EPHA6: variants seen among roughly 807,000 people sequenced by gnomAD.
The protein encoded by EPHA6 is EPH receptor A6, also known as ephrin type-A receptor 6.
In EPHA6, 50 loss-of-function variants were observed where a neutral mutation model predicts 112.0. The observed-to-expected ratio is 0.45, with a 90% CI of 0.36 to 0.56. The LOEUF (loss-of-function observed/expected upper bound fraction) is 0.56, where lower values mean the gene tolerates loss of function less well. EPHA6 is among the 20% of genes least tolerant of loss of function. The pLI is 0.00. For synonymous variants in EPHA6, 529 were observed against 490.7 expected (o/e 1.08, Z -1.03); for missense variants, 1,280 against 1,417.4 (o/e 0.90, Z 1.56).
At chr3:97,159,373 TTGG>T (rs919218749) in intron 3 of EPHA6, among the ~76,000 whole-genome samples, 4 of 152,106 alleles carry the variant, frequency 2.6e-5, no homozygotes, top group African/African-American at 9.6e-5. Flanking sequence ...ATTACGTATG[TTGG>T]TGGAAGTATT....
At position 97,208,213 on chromosome 3, in the gene EPHA6, T is replaced by C. The variant is rs138028177; in HGVS notation, c.1115-18051T>C. Among the ~76,000 whole-genome samples, 3 of 152,302 alleles carry C rather than the reference T, an allele frequency of 2.0e-5. No homozygotes were observed. In the East Asian group the frequency reaches 5.8e-4, roughly 29 times the overall value. ...TGAATCGATATAGGTATTCTACTTG[T>C]ACTGGATAGAAGATGCTATTCCAGT... is the stretch of plus-strand genomic sequence containing the variant. On this transcript the variant is annotated intron_variant, in intron 3 of 17. Transcript: ENST00000389672.
intron 3 of EPHA6, among the ~76,000 whole-genome samples, chr3:97,195,654 A>G (rs994913180): frequency 2.0e-5 from 3 of 152,040 alleles, no homozygotes; most frequent in East Asian, 1.9e-4. Flanking sequence ...TCCCTTTAGC[A>G]TGTCTTAGTA....
chr3:97,040,072 A>T (rs2045259619), intron 3 of EPHA6, among the ~76,000 whole-genome samples: 1 of 151,370 alleles, frequency 6.6e-6, no homozygotes, highest in Admixed American at 6.6e-5. Flanking sequence ...TATAATAATG[A>T]TAATTATTAA....
At chr3:97,619,353 C>T (rs928014349) in intron 13 of EPHA6, among the ~76,000 whole-genome samples, 3 of 143,758 alleles carry the variant, frequency 2.1e-5, no homozygotes, top group Non-Finnish European at 4.5e-5. Context: ...AAAAAGGGCA[C>T]AAGACAAGGA....
intron 14 of EPHA6, among the ~76,000 whole-genome samples, chr3:97,670,598 C>G (rs191217245): frequency 2.6e-5 from 4 of 152,266 alleles, no homozygotes; most frequent in African/African-American, 4.8e-5. Flanking sequence ...CTGCAGCTGT[C>G]TGGTTGTGCA....
intron 6 of EPHA6, among the ~76,000 whole-genome samples, chr3:97,440,723 G>A (rs1472751834): frequency 6.6e-6 from 1 of 151,386 alleles, no homozygotes; most frequent in Non-Finnish European, 1.5e-5. Flanking sequence ...TAAATTAGAA[G>A]GAATGAGCAA....
At chr3:97,711,801 A>G (rs2033981241) in intron 14 of EPHA6, among the ~76,000 whole-genome samples, 1 of 152,164 alleles carries the variant, frequency 6.6e-6, no homozygotes, top group Non-Finnish European at 1.5e-5. Context: ...TCACAACCAC[A>G]CTAGAAATAA....
chr3:97,243,747 A>T (rs1291814285), intron 4 of EPHA6, among the ~76,000 whole-genome samples: 2 of 151,954 alleles, frequency 1.3e-5, no homozygotes, highest in Admixed American at 6.6e-5. Context: ...CCAAAAATTT[A>T]TGATATAGAT....
chr3:97,587,328 A>C (rs1255587755), intron 11 of EPHA6, among the ~76,000 whole-genome samples: 1 of 152,144 alleles, frequency 6.6e-6, no homozygotes, highest in Non-Finnish European at 1.5e-5. Flanking sequence ...CTATCATTAA[A>C]TATTTTGGGC....
chr3:97,553,948 A>G (rs1321003805), intron 11 of EPHA6, among the ~76,000 whole-genome samples: 4 of 152,318 alleles, frequency 2.6e-5, no homozygotes, highest in East Asian at 1.9e-4. Flanking sequence ...TGCATCATCT[A>G]TATATAACAA....
intron 12 of EPHA6, among the ~76,000 whole-genome samples, chr3:97,608,773 G>A (rs1200278618): frequency 6.6e-6 from 1 of 151,266 alleles, no homozygotes; most frequent in East Asian, 1.9e-4. Context: ...GGATACAAAG[G>A]CTAGTTAGGA....
rs71623570 is a variant in EPHA6 at position 97,379,751 on chromosome 3, C to CAAA, written c.1607-25375_1607-25373dup. Among the ~76,000 whole-genome samples, 33 of 30,544 alleles carry CAAA rather than the reference C, an allele frequency of 1.1e-3. 5 individuals are homozygous for CAAA. Among genetic ancestry groups the CAAA allele is most frequent in the Admixed American group, 3.2e-3 (6 of 1,852 alleles). The allele number at this position is 30,544 out of a possible 152,430, so 20.0% of individuals were successfully genotyped here. On this transcript the variant is annotated intron_variant, in intron 5 of 17. Transcript: ENST00000389672. The stretch of plus-strand genomic sequence containing the variant: ...GCAAGAGGGTGAGACTCTGTCTCCC[C>CAAA]AAAAAAAAAAAAAAAAAAAAAAAAA...
intron 5 of EPHA6, among the ~76,000 whole-genome samples, chr3:97,259,875 A>ACTGCAACCT (rs375045524): frequency 3.4e-5 from 5 of 148,914 alleles, no homozygotes; most frequent in African/African-American, 9.9e-5. Flanking sequence ...ATCTCAGCTC[A>ACTGCAACCT]CTGCAACCTC....
intron 3 of EPHA6, among the ~76,000 whole-genome samples, chr3:97,072,688 T>C (rs1249294423): frequency 6.6e-6 from 1 of 152,132 alleles, no homozygotes. Context: ...GTTGGTATTA[T>C]GGCTTCAAAT....
intron 1 of EPHA6, among the ~76,000 whole-genome samples, chr3:96,823,721 A>C (rs536334764): frequency 6.6e-6 from 1 of 151,954 alleles, no homozygotes; most frequent in South Asian, 2.1e-4. Context: ...ATGCCTCATC[A>C]AAAAATAAAG....
In EPHA6 at chr3:97,758,937, C is replaced by A. The variant is rs1408109101; in HGVS notation, c.*10236C>A. Among the ~76,000 whole-genome samples the A allele has an allele frequency of 1.3e-5, 2 of 151,958 alleles. No individual in the cohort carries two copies. The highest frequency in any genetic ancestry group is 3.9e-4 in the East Asian group (2 of 5,172). On this transcript the variant is annotated 3_prime_UTR_variant, in exon 18 of 18. Coordinates refer to ENST00000389672, the MANE Select transcript of EPHA6 (RefSeq NM_001080448.3). ...TACGCATGAGGCTACTGGAGTAATT[C>A]CAGCAAAAACGTGGTGGATTCACTA... is the stretch of plus-strand genomic sequence containing the variant.
At chr3:97,486,527 T>C (rs2091703030) in intron 10 of EPHA6, among the ~76,000 whole-genome samples, 1 of 152,174 alleles carries the variant, frequency 6.6e-6, no homozygotes, top group Non-Finnish European at 1.5e-5. Context: ...CCACATCTGC[T>C]GAGGGTCTTC....
intron 14 of EPHA6, among the ~76,000 whole-genome samples, chr3:97,708,000 A>G (rs1263866111): frequency 6.6e-6 from 1 of 152,242 alleles, no homozygotes; most frequent in Admixed American, 6.5e-5. Flanking sequence ...TTATAGCAGA[A>G]TGAAAATGGA....
chr3:97,598,242 A>G (rs1376509879), intron 12 of EPHA6, among the ~76,000 whole-genome samples: 2 of 151,112 alleles, frequency 1.3e-5, no homozygotes, highest in African/African-American at 2.4e-5. Context: ...GATTAAATCC[A>G]TCTTTCAGGT....
Sources: gnomAD v4.1 joint callset for allele counts (sites outside exome capture counted in the v4.1 genomes callset) on GRCh38, gnomAD v4.1.1 for gene constraint, MANE v1.5 for transcripts, NCBI Gene and HGNC (gene_info 2026-07-23, HGNC 2026-07-21) for gene names.